The following GABRB3 variants were observed in gnomAD, a reference collection of about 807,000 sequenced individuals.
The protein encoded by GABRB3 is gamma-aminobutyric acid type A receptor subunit beta3.
Under a neutral mutation model 52.1 loss-of-function variants are expected in GABRB3, and 14 were observed. The ratio of observed to expected loss-of-function variants is 0.27; its 90% CI spans 0.18 to 0.42. The LOEUF is 0.42. Among genes scored for constraint, GABRB3 ranks in the 10% least tolerant of loss-of-function variants. The pLI is 1.00. For synonymous variants in GABRB3, 260 were observed against 232.3 expected, an observed-to-expected ratio of 1.12 and a Z score of -1.08; for missense variants, 307 against 609.1, an observed-to-expected ratio of 0.50 and a Z score of 5.22.
intron 3 of GABRB3, chr15:26,624,144 A>G (rs894307316): frequency 2.4e-5 from 23 of 962,870 alleles, no homozygotes; most frequent in Admixed American, 6.2e-5. Context: ...CACTGGGCTG[A>G]TGCAGAACAT....
At chr15:26,735,023 T>C (rs571834839) in intron 3 of GABRB3, among the ~76,000 whole-genome samples, 3 of 152,300 alleles carry the variant, frequency 2.0e-5, no homozygotes, top group South Asian at 4.1e-4. Flanking sequence ...CCAGAATATA[T>C]AGAAAACTCC....
At chr15:26,693,800 A>G (rs1199642963) in intron 3 of GABRB3, among the ~76,000 whole-genome samples, 1 of 152,210 alleles carries the variant, frequency 6.6e-6, no homozygotes, top group Admixed American at 6.5e-5. Flanking sequence ...TTGTAGATGG[A>G]GCATAGCCTA....
intron 8 of GABRB3, among the ~76,000 whole-genome samples, chr15:26,555,370 C>G (rs61418742): frequency 0.05 from 7,615 of 152,140 alleles, 629 homozygotes; most frequent in African/African-American, 0.17. Flanking sequence ...AATGAAGACA[C>G]AAGACATCGG....
intron 3 of GABRB3, among the ~76,000 whole-genome samples, chr15:26,663,820 T>C (rs1488708390): frequency 6.6e-6 from 1 of 152,262 alleles, no homozygotes; most frequent in Non-Finnish European, 1.5e-5. Context: ...TGCATTCTTA[T>C]AGATCACATG....
chr15:26,712,696 G>A (rs532010150), intron 3 of GABRB3, among the ~76,000 whole-genome samples: 18 of 152,148 alleles, frequency 1.2e-4, no homozygotes, highest in Non-Finnish European at 2.2e-4. Flanking sequence ...TGCAGTGTGT[G>A]GAAGGCACTG....
chr15:26,696,702 T>G (rs963456844), intron 3 of GABRB3, among the ~76,000 whole-genome samples: 3 of 152,164 alleles, frequency 2.0e-5, no homozygotes, highest in Non-Finnish European at 4.4e-5. Flanking sequence ...GCAGCCACAC[T>G]GCCTTTTGCC....
intron 3 of GABRB3, among the ~76,000 whole-genome samples, chr15:26,684,101 G>A (rs1475997149): frequency 6.6e-6 from 1 of 152,124 alleles, no homozygotes; most frequent in African/African-American, 2.4e-5. Context: ...TTAATAGACT[G>A]ACTTACCAAA....
chr15:26,751,120 C>A (rs945655853), intron 3 of GABRB3, among the ~76,000 whole-genome samples: 2 of 152,042 alleles, frequency 1.3e-5, no homozygotes, highest in East Asian at 1.9e-4. Context: ...CTATGTGATG[C>A]GTTTTTACAA....
At chr15:26,753,929 G>A (rs919849185) in intron 3 of GABRB3, among the ~76,000 whole-genome samples, 1 of 152,154 alleles carries the variant, frequency 6.6e-6, no homozygotes, top group African/African-American at 2.4e-5. Context: ...GGGATGTTAG[G>A]ATGAAGGCCT....
intron 3 of GABRB3, among the ~76,000 whole-genome samples, chr15:26,638,008 C>T (rs1018077144): frequency 6.6e-5 from 10 of 152,072 alleles, no homozygotes; most frequent in African/African-American, 2.2e-4. Context: ...CACTCTTAGC[C>T]GGGACTTCCT....
intron 6 of GABRB3, chr15:26,569,399 A>C (rs1170398835): frequency 1.3e-5 from 2 of 152,250 alleles, no homozygotes; most frequent in African/African-American, 2.4e-5. Flanking sequence ...CTCTGATCAA[A>C]TGCATATATC....
intron 4 of GABRB3, among the ~76,000 whole-genome samples, chr15:26,593,636 A>AT (rs1453961060): frequency 6.6e-6 from 1 of 152,126 alleles, no homozygotes; most frequent in Non-Finnish European, 1.5e-5. Flanking sequence ...ATGGTGTAGC[A>AT]TGTACAAGAA....
intron 3 of GABRB3, among the ~76,000 whole-genome samples, chr15:26,655,219 A>C (rs1310288548): frequency 9.9e-5 from 15 of 152,194 alleles, no homozygotes; most frequent in Non-Finnish European, 1.5e-5. Flanking sequence ...ACATTATGTA[A>C]AATTTCATGC....
intron 3 of GABRB3, among the ~76,000 whole-genome samples, chr15:26,711,710 G>C (rs1330909424): frequency 6.6e-6 from 1 of 152,178 alleles, no homozygotes; most frequent in Non-Finnish European, 1.5e-5. Flanking sequence ...GGCTCTGGTT[G>C]CCGCTAGCAT....
chr15:26,689,341 T>G (rs963371466), intron 3 of GABRB3, among the ~76,000 whole-genome samples: 2 of 152,160 alleles, frequency 1.3e-5, no homozygotes, highest in South Asian at 4.2e-4. Context: ...TTATTTCTCA[T>G]AAAGGGTCAC....
At chr15:26,716,010 A>G (rs1566816509) in intron 3 of GABRB3, among the ~76,000 whole-genome samples, 2 of 152,220 alleles carry the variant, frequency 1.3e-5, no homozygotes, top group Non-Finnish European at 2.9e-5. Context: ...CTGGTTTTCA[A>G]TTAGAATGAA....
chr15:26,772,595 C>T (rs1252851025), intron 2 of GABRB3, 86 bp downstream of exon 2: 33 of 1,436,352 alleles, frequency 2.3e-5, no homozygotes, highest in Non-Finnish European at 3.0e-5. Flanking sequence ...GCCGCTGCTC[C>T]GCGGATGCGG....
At chr15:26,681,844 T>A (rs1447146591) in intron 3 of GABRB3, among the ~76,000 whole-genome samples, 1 of 152,072 alleles carries the variant, frequency 6.6e-6, no homozygotes, top group Non-Finnish European at 1.5e-5. Context: ...TGGTGGCACG[T>A]GCCTCTAGTC....
chr15:26,726,845 T>C (rs1009665227), intron 3 of GABRB3, among the ~76,000 whole-genome samples: 2 of 152,224 alleles, frequency 1.3e-5, no homozygotes, highest in African/African-American at 4.8e-5. Flanking sequence ...ACCTTGAGAT[T>C]GTGCAGGTAT....
Sources: gnomAD v4.1 joint callset for allele counts (sites outside exome capture counted in the v4.1 genomes callset) on GRCh38, gnomAD v4.1.1 for gene constraint, MANE v1.5 for transcripts, NCBI Gene and HGNC (gene_info 2026-07-23, HGNC 2026-07-21) for gene names.